Variants in SPTBN1 observed in about 807,000 individuals in gnomAD.
The protein encoded by SPTBN1 is spectrin beta chain, non-erythrocytic 1.
SPTBN1 carries 32 observed loss-of-function variants against 266.4 expected under a neutral mutation model. The ratio of observed to expected loss-of-function variants is 0.12; its 90% CI spans 0.09 to 0.16. SPTBN1 has a LOEUF of 0.16. Among genes scored for constraint, SPTBN1 ranks in the 10% least tolerant of loss-of-function variants. The probability of loss-of-function intolerance (pLI) is 1.00; values close to 1 mark genes in which losing one functional copy is unlikely to be tolerated. For synonymous variants in SPTBN1, 1,336 were observed against 1,162.2 expected (o/e 1.15, Z -3.04); for missense variants, 2,296 against 3,067.1 (o/e 0.75, Z 5.94).
intron 2 of SPTBN1, among the ~76,000 whole-genome samples, chr2:54,597,586 C>T (rs768497355): frequency 6.6e-6 from 1 of 152,228 alleles, no homozygotes; most frequent in Non-Finnish European, 1.5e-5. Flanking sequence ...GGGATCTTGG[C>T]AGGTGCCCCA....
At chr2:54,521,131 G>C (rs1313379508) in intron 1 of SPTBN1, among the ~76,000 whole-genome samples, 2 of 152,222 alleles carry the variant, frequency 1.3e-5, no homozygotes, top group Admixed American at 6.5e-5. Flanking sequence ...GATATAAACT[G>C]TCCTCACAGC....
At chr2:54,517,818 G>C (rs1250231455) in intron 1 of SPTBN1, among the ~76,000 whole-genome samples, 3 of 151,802 alleles carry the variant, frequency 2.0e-5, no homozygotes, top group Admixed American at 1.3e-4. Context: ...GCTAATTTTT[G>C]TATTTTTAGT....
intron 1 of SPTBN1, among the ~76,000 whole-genome samples, chr2:54,462,692 C>G (rs4635562): frequency 0.26 from 39,125 of 152,112 alleles, 5,672 homozygotes; most frequent in East Asian, 0.52. Context: ...GTACTATACA[C>G]AGAAGGTAAA....
chr2:54,584,895 CT>C lies in SPTBN1; in HGVS notation c.149-14192del, dbSNP rs200805776. ...CCCCACACCTGTTGGAAGCACCTGA[CT>C]TTTTGGAGTGGGAGATAAAGGCTTG... On this transcript the variant is annotated intron_variant, in intron 2 of 35. Coordinates refer to ENST00000356805, the MANE Select transcript of SPTBN1 (RefSeq NM_003128.3). Among the ~76,000 whole-genome samples the C allele has an allele frequency of 3.8e-4, 58 of 152,258 alleles. 1 individual carries two copies. The East Asian group carries it at 0.01, about 27-fold the overall frequency.
intron 1 of SPTBN1, chr2:54,457,153 G>GCCCCCCC (rs1217190444): frequency 2.2e-4 from 11 of 49,692 alleles, no homozygotes; most frequent in South Asian, 9.7e-4. Flanking sequence ...TCGTGCGCCC[G>GCCCCCCC]CCCCCCCCCC....
At chr2:54,640,187 GGCGTTTGTGTGTGGACCA>G (rs2104006222) in intron 18 of SPTBN1, among the ~76,000 whole-genome samples, 2 of 152,220 alleles carry the variant, frequency 1.3e-5, no homozygotes, top group Non-Finnish European at 2.9e-5. Context: ...TTTTGAGAAT[GGCGTTTGTGTGTGGACCA>G]GCCCTACATT....
Position 54,470,790 on chromosome 2 carries a change from G to A in SPTBN1, c.-48+14272G>A, listed in dbSNP as rs147560682. Among the ~76,000 whole-genome samples, 206 of 152,158 alleles carry A rather than the reference G, an allele frequency of 1.4e-3. 1 individual carries two copies. Among genetic ancestry groups the A allele is most frequent in the African/African-American group, 4.8e-3 (200 of 41,534 alleles). ...GGGCTTCAAGACTAGCCTGGGCAGA[G>A]TAGAAAGAACCTGTCTCAAACCCCA... On this transcript the variant is annotated intron_variant, in intron 1 of 35. Coordinates refer to ENST00000356805, the MANE Select transcript of SPTBN1 (RefSeq NM_003128.3).
At chr2:54,460,130 C>T (rs1180661646) in intron 1 of SPTBN1, among the ~76,000 whole-genome samples, 1 of 152,130 alleles carries the variant, frequency 6.6e-6, no homozygotes, top group Non-Finnish European at 1.5e-5. Flanking sequence ...ATTCTTAGGC[C>T]CCACTCTGAA....
chr2:54,494,018 A>G (rs988580293), intron 1 of SPTBN1, among the ~76,000 whole-genome samples: 5 of 152,236 alleles, frequency 3.3e-5, no homozygotes, highest in South Asian at 2.1e-4. Flanking sequence ...GCTCTTTCTC[A>G]TAAATGCCAC....
chr2:54,460,639 C>T (rs1693317518), intron 1 of SPTBN1, among the ~76,000 whole-genome samples: 1 of 152,174 alleles, frequency 6.6e-6, no homozygotes, highest in Admixed American at 6.5e-5. Flanking sequence ...CCAGTCTTTT[C>T]TTAGAGTTCT....
chr2:54,490,630 A>G (rs1668637559), intron 1 of SPTBN1, among the ~76,000 whole-genome samples: 1 of 152,170 alleles, frequency 6.6e-6, no homozygotes, highest in South Asian at 2.1e-4. Context: ...GCTTTATTGT[A>G]TTAAGTTGGA....
chr2:54,474,581 C>G (rs551659061), intron 1 of SPTBN1, among the ~76,000 whole-genome samples: 14 of 152,030 alleles, frequency 9.2e-5, no homozygotes, highest in Admixed American at 9.2e-4. Flanking sequence ...GTATTATTTA[C>G]TATATTAATA....
chr2:54,622,330 A>G lies in SPTBN1; in HGVS notation c.907A>G (p.Met303Val), dbSNP rs1340779326. The G allele has an allele frequency of 3.1e-6, 5 of 1,614,192 alleles. No homozygotes were observed. The Admixed American group carries it at 8.3e-5, about 27-fold the overall frequency. ...TGACAATGCTATTGAAACAGAAAAA[A>G]TGATTGAAAAGTATGAATCACTTGC... ...VLDNAIETEK[M>V]IEKYESLASD... Residue 303 changes from methionine (M) to valine (V), a missense_variant, in exon 9 of 36, where the codon ATG becomes GTG. This residue lies in a region of SPTBN1 where 148 missense variants were observed against 203.8 expected (regional missense o/e 0.73). Transcript: ENST00000356805.
chr2:54,508,561 A>C (rs1669699742), intron 1 of SPTBN1, among the ~76,000 whole-genome samples: 1 of 152,146 alleles, frequency 6.6e-6, no homozygotes, highest in South Asian at 2.1e-4. Context: ...CTTGCAACCT[A>C]CATGGAAGAG....
rs1214386420 is a variant in SPTBN1, at chr2:54,485,769, C to T, written c.-48+29251C>T. On this transcript the variant is annotated intron_variant, in intron 1 of 35. Transcript: ENST00000356805. ...AGGAGCGCCTCTTCCCGGCCGCCAT[C>T]ACATCTAGGAAGTGAGGAGCGTCTC... Among the ~76,000 whole-genome samples, 4 of 151,028 alleles carry T rather than the reference C, an allele frequency of 2.6e-5. No individual in the cohort carries two copies. In the South Asian group the frequency reaches 6.3e-4, roughly 24 times the overall value.
chr2:54,514,182 G>A (rs1049589514), intron 1 of SPTBN1, among the ~76,000 whole-genome samples: 2 of 152,156 alleles, frequency 1.3e-5, no homozygotes, highest in Admixed American at 6.5e-5. Flanking sequence ...CCATGTTTCT[G>A]TCTCATACCG....
At chr2:54,528,331 G>A (rs1170995809) in intron 2 of SPTBN1, 1 of 152,636 alleles carries the variant, frequency 6.6e-6, no homozygotes, top group Non-Finnish European at 1.5e-5. Context: ...CTACAGAACA[G>A]TTCCTTGTTC....
intron 17 of SPTBN1, among the ~76,000 whole-genome samples, chr2:54,633,427 G>GTA (rs1558451135): frequency 7.2e-6 from 1 of 139,468 alleles, no homozygotes; most frequent in Non-Finnish European, 1.6e-5. Flanking sequence ...GTGTGTGTGC[G>GTA]TGTGTGTGTC....
At chr2:54,458,013 A>G (rs920085588) in intron 1 of SPTBN1, among the ~76,000 whole-genome samples, 2 of 152,204 alleles carry the variant, frequency 1.3e-5, no homozygotes, top group African/African-American at 4.8e-5. Flanking sequence ...TGCGGAGGCA[A>G]TGTTGCAGTG....
Sources: gnomAD v4.1 joint callset for allele counts (sites outside exome capture counted in the v4.1 genomes callset) on GRCh38, gnomAD v4.1.1 for gene constraint, gnomAD v4.1.1 regional missense constraint, MANE v1.5 for transcripts, NCBI Gene and HGNC (gene_info 2026-07-23, HGNC 2026-07-21) for gene names.